Variants in SLC30A6 observed in about 807,000 individuals in gnomAD.
SLC30A6 encodes solute carrier family 30 member 6, also known as zinc transporter 6.
In SLC30A6, 55 loss-of-function variants were observed where a neutral mutation model predicts 63.0. The observed-to-expected ratio is 0.87, with a 90% CI of 0.70 to 1.09. SLC30A6 has a LOEUF of 1.09. SLC30A6 is among the 50% of genes least tolerant of loss of function. The pLI is 0.00. For synonymous variants in SLC30A6, 224 were observed against 186.1 expected (o/e 1.20, Z -1.66); for missense variants, 587 against 549.2 (o/e 1.07, Z -0.69).
intron 5 of SLC30A6, among the ~76,000 whole-genome samples, chr2:32,189,596 C>CTTTTTT (rs3040842): frequency 3.9e-5 from 2 of 51,928 alleles, no homozygotes; most frequent in African/African-American, 9.6e-5. Flanking sequence ...CGCACCCGGC[C>CTTTTTT]TTTTTTTTTT....
chr2:32,184,554 C>G (rs574783426), intron 5 of SLC30A6, among the ~76,000 whole-genome samples: 1 of 152,270 alleles, frequency 6.6e-6, no homozygotes, highest in South Asian at 2.1e-4. Flanking sequence ...CACCTTAGGT[C>G]AGGAGTTTGA....
At chr2:32,213,049 G>A (rs1490412545) in intron 13 of SLC30A6, among the ~76,000 whole-genome samples, 1 of 151,742 alleles carries the variant, frequency 6.6e-6, no homozygotes, top group African/African-American at 2.4e-5. Context: ...GGGATTACAG[G>A]TACACGCCAC....
intron 4 of SLC30A6, among the ~76,000 whole-genome samples, chr2:32,178,010 C>T (rs572232422): frequency 3.2e-4 from 46 of 144,858 alleles, no homozygotes; most frequent in African/African-American, 1.0e-3. Context: ...TGCAGTGGCG[C>T]GATCTTGGCT....
intron 13 of SLC30A6, among the ~76,000 whole-genome samples, chr2:32,214,859 TACTTA>T (rs1685566336): frequency 1.3e-5 from 2 of 152,240 alleles, no homozygotes; most frequent in Non-Finnish European, 2.9e-5. Flanking sequence ...GCATCTTTAA[TACTTA>T]GGTAGTGACA....
At chr2:32,199,616 C>A (rs1289590887) in intron 10 of SLC30A6, among the ~76,000 whole-genome samples, 3 of 151,894 alleles carry the variant, frequency 2.0e-5, no homozygotes, top group Non-Finnish European at 4.4e-5. Flanking sequence ...ACTGTAGTAA[C>A]CCTGTTTTGC....
At chr2:32,200,839 AAAT>A (rs70938331) in intron 10 of SLC30A6, among the ~76,000 whole-genome samples, 2 of 151,140 alleles carry the variant, frequency 1.3e-5, no homozygotes, top group African/African-American at 2.4e-5. Flanking sequence ...ATAAAGAAAA[AAAT>A]AATAATAATA....
intron 10 of SLC30A6, chr2:32,203,927 G>A (rs1684517406): frequency 2.4e-6 from 2 of 836,646 alleles, no homozygotes; most frequent in Admixed American, 1.9e-5. Flanking sequence ...CGCTCAGGAA[G>A]TTGACAAGAT....
At chr2:32,186,725 C>T (rs1252247539) in intron 5 of SLC30A6, among the ~76,000 whole-genome samples, 2 of 149,324 alleles carry the variant, frequency 1.3e-5, no homozygotes, top group Non-Finnish European at 3.0e-5. Flanking sequence ...GAGTCAGATG[C>T]AGTGGCTCAT....
At position 32,224,340 on chromosome 2, in the gene SLC30A6, T is replaced by A; in HGVS notation, c.*3627T>A. 1.6e-6 allele frequency: 1 copy of A among 632,168 alleles called. No homozygotes were observed. The highest frequency in any genetic ancestry group is 2.2e-5 in the South Asian group (1 of 45,790). 39.2% of individuals were successfully genotyped at this position (632,168 alleles called of 1,614,324 possible). On this transcript the variant is annotated 3_prime_UTR_variant, in exon 14 of 14. Transcript: ENST00000282587. ...AGAGCTAAGACACAAAACTGTTGCA[T>A]GTTTTTAATCATCAAATTAAACTTC...
rs538678657 is a variant in SLC30A6 at position 32,197,363 on chromosome 2, T to G, written c.516T>G (p.Leu172=). 3 of 1,613,836 alleles carry G rather than the reference T, an allele frequency of 1.9e-6. No homozygotes were observed. The South Asian group carries it at 3.3e-5, about 18-fold the overall frequency. The part of the protein sequence containing the change: ...YVSEAASTSW[L]QEHVADLSRS... ...TTAAAGCTGCTAGTACGAGCTGGCTTCAAGAGCATGTTGCAGATCTTAGTC... is the reference window on the plus strand; with the variant it reads ...TTAAAGCTGCTAGTACGAGCTGGCTGCAAGAGCATGTTGCAGATCTTAGTC... Residue 172 remains leucine, a synonymous_variant, in exon 9 of 14, where the codon CTT becomes CTG. Transcript: ENST00000282587.
intron 13 of SLC30A6, among the ~76,000 whole-genome samples, chr2:32,210,965 A>T (rs1426546572): frequency 6.6e-6 from 1 of 152,146 alleles, no homozygotes; most frequent in African/African-American, 2.4e-5. Flanking sequence ...CCAGTAGGTG[A>T]GTTTGTTAGG....
At chr2:32,178,595 C>T (rs901172726) in intron 4 of SLC30A6, among the ~76,000 whole-genome samples, 1 of 152,154 alleles carries the variant, frequency 6.6e-6, no homozygotes, top group African/African-American at 2.4e-5. Context: ...ATCGCTTGAA[C>T]CTGGTGGGAC....
At chr2:32,193,042 A>C (rs1452973115) in intron 7 of SLC30A6, 89 bp downstream of exon 7, 33 of 829,426 alleles carry the variant, frequency 4.0e-5, no homozygotes, top group Non-Finnish European at 1.9e-6. Flanking sequence ...GTCAGATTTC[A>C]GACTGTGGCA....
intron 6 of SLC30A6, 89 bp downstream of exon 6, chr2:32,192,505 G>A (rs1573330497): frequency 2.6e-6 from 3 of 1,155,882 alleles, no homozygotes; most frequent in Non-Finnish European, 2.5e-6. Context: ...GCTTTCAAGG[G>A]TATGAAAACT....
In SLC30A6 at chr2:32,197,812, G is replaced by A. The variant is rs751596499; in HGVS notation, c.651G>A (p.Met217Ile). The A allele has an allele frequency of 6.2e-7, 1 of 1,613,588 alleles. No homozygotes were observed. Among genetic ancestry groups the A allele is most frequent in the Non-Finnish European group, 8.5e-7 (1 of 1,179,920 alleles). Residue 217 changes from methionine (M) to isoleucine (I), a missense_variant, in exon 10 of 14, where the codon ATG becomes ATA. Transcript: ENST00000282587. ...AGAFALCITYMLIEINNYFAV... is the reference protein window; with the variant it reads ...AGAFALCITYILIEINNYFAV... Reference sequence around the variant, plus strand: ...CATTTGCTCTTTGTATTACATATATGCTCATTGAAATTAAGTGAGTATTTT... The same window carrying A: ...CATTTGCTCTTTGTATTACATATATACTCATTGAAATTAAGTGAGTATTTT...
At chr2:32,209,657 C>G (rs1435675177) in intron 13 of SLC30A6, 96 bp downstream of exon 13, 4 of 934,130 alleles carry the variant, frequency 4.3e-6, no homozygotes, top group Admixed American at 2.6e-5. Flanking sequence ...TTTTATAGAG[C>G]CTTTGATTCC....
rs747584469 is a variant in SLC30A6, at chr2:32,192,408, A to G, written c.357A>G (p.Leu119=). ...CACAGTTGGGAGCTCTCTTTATATT[A>G]AAAGAAAGGTACATTTGTATAGGAT... ...VLAQLGALFI[L]KESAERFLEQ... is the part of the protein sequence containing the mutation. Residue 119 remains leucine, a synonymous_variant, in exon 6 of 14, where the codon TTA becomes TTG. Coordinates refer to ENST00000282587, the MANE Select transcript of SLC30A6 (RefSeq NM_017964.5). The G allele has an allele frequency of 3.7e-6, 6 of 1,613,354 alleles. No individual in the cohort carries two copies. In the Admixed American group the frequency reaches 1.0e-4, roughly 27 times the overall value.
chr2:32,207,838 TTA>T (rs1684914648), intron 12 of SLC30A6, among the ~76,000 whole-genome samples: 1 of 150,300 alleles, frequency 6.7e-6, no homozygotes, highest in East Asian at 2.0e-4. Flanking sequence ...GCAGCTGGGA[TTA>T]TAGGCGCCCA....
intron 5 of SLC30A6, among the ~76,000 whole-genome samples, chr2:32,192,055 C>A (rs1411055064): frequency 6.9e-6 from 1 of 144,794 alleles, no homozygotes; most frequent in Non-Finnish European, 1.5e-5. Flanking sequence ...TTTTTTTAAT[C>A]ATTTTAAAGT....
Sources: allele counts gnomAD v4.1 joint callset (sites outside exome capture counted in the v4.1 genomes callset), GRCh38; gene constraint gnomAD v4.1.1; transcripts MANE v1.5; gene names NCBI Gene and HGNC (gene_info 2026-07-23, HGNC 2026-07-21).